CSF2RB: variants seen among roughly 807,000 people sequenced by gnomAD.
The protein encoded by CSF2RB is cytokine receptor common subunit beta.
A neutral mutation model predicts 67.2 loss-of-function variants in CSF2RB; 22 were observed. The observed-to-expected ratio is 0.33, with a 90% CI of 0.23 to 0.47. CSF2RB has a LOEUF of 0.47. Ranked by LOEUF, CSF2RB falls within the 20% of genes least tolerant of loss-of-function variation. The pLI, the probability that CSF2RB is intolerant of heterozygous loss-of-function variation, is 1.00. For missense variants in CSF2RB, 1,113 were observed against 1,174.5 expected, an observed-to-expected ratio of 0.95 and a Z score of 0.76; for synonymous variants, 507 against 482.9, an observed-to-expected ratio of 1.05 and a Z score of -0.65.
intron 8 of CSF2RB, among the ~76,000 whole-genome samples, chr22:36,931,659 A>C (rs1941149000): frequency 6.6e-6 from 1 of 152,252 alleles, no homozygotes; most frequent in South Asian, 2.1e-4. Flanking sequence ...CACAGCTATT[A>C]GTAGGCAGAT....
chr22:36,938,336 G>A lies in CSF2RB; in HGVS notation c.2528G>A (p.Gly843Glu), dbSNP rs996013650. ...CTCCGGAGTAAACCTTCTTCCCCGG[G>A]ACCCGGTCCTGAGATCAAGAACCTA... ...LSLRSKPSSP[G>E]PGPEIKNLDQ... Residue 843 changes from glycine to glutamate, a missense_variant, in exon 14 of 14, where the codon GGA becomes GAA. Transcript: ENST00000403662. The A allele has an allele frequency of 1.2e-6, 2 of 1,614,028 alleles. No homozygotes were observed. The highest frequency in any genetic ancestry group is 2.7e-5 in the African/African-American group (2 of 74,882).
At position 36,938,533 on chromosome 22, in the gene CSF2RB, G is replaced by T; in HGVS notation, c.*31G>T. ...CCAGGCCTAGACAGGCAAGGGGATG[G>T]AGAGGGCTTGCCTTCCCTCCCGCCT... On this transcript the variant is annotated 3_prime_UTR_variant, in exon 14 of 14. Coordinates refer to ENST00000403662, the MANE Select transcript of CSF2RB (RefSeq NM_000395.3). 1 of 1,586,184 alleles carries T rather than the reference G, an allele frequency of 6.3e-7. No individual in the cohort carries two copies. Among genetic ancestry groups the T allele is most frequent in the South Asian group, 1.1e-5 (1 of 88,260 alleles).
At chr22:36,918,248 T>A (rs4821564) in intron 1 of CSF2RB, among the ~76,000 whole-genome samples, 3 of 151,990 alleles carry the variant, frequency 2.0e-5, no homozygotes, top group African/African-American at 4.8e-5. Flanking sequence ...CCTTACATAC[T>A]CAAAATTTTT....
At chr22:36,923,451 C>T (rs965913265) in intron 3 of CSF2RB, 84 bp downstream of exon 3, 2 of 1,553,910 alleles carry the variant, frequency 1.3e-6, no homozygotes, top group Non-Finnish European at 8.8e-7. Context: ...TAGAGAGGGA[C>T]CTGTCAGGTC....
In CSF2RB at chr22:36,933,929, C is replaced by T. The variant is rs1263779773; in HGVS notation, c.1250C>T (p.Ser417Phe). 2.5e-6 allele frequency: 4 copies of T among 1,612,464 alleles called. No individual in the cohort carries two copies. The highest frequency in any genetic ancestry group is 2.7e-5 in the African/African-American group (2 of 74,902). ...TGGGCCAGGGTGAGGGTCAGGACCT[C>T]CCGCACCGGCTACAACGGGATCTGG... Reference protein sequence around the residue: ...RYWARVRVRTSRTGYNGIWSE... With the variant: ...RYWARVRVRTFRTGYNGIWSE... Residue 417 changes from serine to phenylalanine, a missense_variant, in exon 10 of 14, where the codon TCC (serine) becomes TTC (phenylalanine). By Grantham distance (155) the Ser-to-Phe change is radical (BLOSUM62 -2). Transcript: ENST00000403662.
Position 36,938,491 on chromosome 22 carries a change from G to A in CSF2RB, c.2683G>A (p.Glu895Lys). 6.2e-7 allele frequency: 1 copy of A among 1,612,728 alleles called. No individual in the cohort carries two copies. Residue 895 changes from glutamate (E) to lysine (K), a missense_variant, in exon 14 of 14, where the codon GAG (glutamate) becomes AAG (lysine). Physicochemically the swap from Glu to Lys is moderately conservative, Grantham distance 56. Coordinates refer to ENST00000403662, the MANE Select transcript of CSF2RB (RefSeq NM_000395.3). ...LPPWEVNKPG[E>K]VC ...CCCTTGGGAGGTCAACAAGCCTGGG[G>A]AGGTGTGTTGAGACCCCCAGGCCTA...
Position 36,939,138 on chromosome 22 carries a change from G to T in CSF2RB, c.*636G>T, listed in dbSNP as rs577830884. 4 of 702,156 alleles carry T rather than the reference G, an allele frequency of 5.7e-6. No individual in the cohort carries two copies. Among genetic ancestry groups the T allele is most frequent in the African/African-American group, 5.2e-5 (3 of 57,180 alleles). The allele number at this position is 702,156 out of a possible 1,614,324, so 43.5% of individuals were successfully genotyped here. On this transcript the variant is annotated 3_prime_UTR_variant, in exon 14 of 14. Coordinates refer to ENST00000403662, the MANE Select transcript of CSF2RB (RefSeq NM_000395.3). ...TGGGCATGGTATTGGGGGTCGGGGG[G>T]GCGGTGCAAGGGACGCACATGAGAG...
chr22:36,925,050 C>A (rs1433953854), intron 3 of CSF2RB, among the ~76,000 whole-genome samples: 2 of 152,246 alleles, frequency 1.3e-5, no homozygotes, highest in Non-Finnish European at 2.9e-5. Context: ...CGACTCCAAA[C>A]GTCCTCAACC....
intron 1 of CSF2RB, among the ~76,000 whole-genome samples, chr22:36,916,270 T>TCAA (rs1940712673): frequency 6.6e-6 from 1 of 152,234 alleles, no homozygotes; most frequent in Non-Finnish European, 1.5e-5. Context: ...ATAATTTTAC[T>TCAA]ATTTTGGTTT....
intron 4 of CSF2RB, among the ~76,000 whole-genome samples, chr22:36,926,493 GT>G (rs1445377609): frequency 6.6e-6 from 1 of 152,250 alleles, no homozygotes; most frequent in African/African-American, 2.4e-5. Context: ...TGTCCGCTTA[GT>G]TGTTTCATCT....
In CSF2RB at chr22:36,930,653, A is replaced by G. The variant is rs2085458493; in HGVS notation, c.855-20A>G. 1 of 1,611,884 alleles carries G rather than the reference A, an allele frequency of 6.2e-7. No homozygotes were observed. On this transcript the variant is annotated intron_variant, in intron 7 of 13. Coordinates refer to ENST00000403662, the MANE Select transcript of CSF2RB (RefSeq NM_000395.3). Reference sequence around the variant, plus strand: ...GTGTGCCCTCCCTCTCCCTGCCCTCAGCTCTGCTGTGCTCCTCAGGGAGGA... The same window carrying G: ...GTGTGCCCTCCCTCTCCCTGCCCTCGGCTCTGCTGTGCTCCTCAGGGAGGA...
intron 2 of CSF2RB, 72 bp downstream of exon 2, chr22:36,922,355 G>T: frequency 1.4e-6 from 2 of 1,410,274 alleles, no homozygotes; most frequent in Non-Finnish European, 9.8e-7. Flanking sequence ...GGGCCGCAGC[G>T]TATCCTCAGG....
intron 3 of CSF2RB, among the ~76,000 whole-genome samples, chr22:36,924,616 A>G (rs976348303): frequency 5.3e-5 from 8 of 151,176 alleles, no homozygotes; most frequent in African/African-American, 2.0e-4. Flanking sequence ...TCCTGGGCCC[A>G]CTCCCCTAGG....
At position 36,940,164 on chromosome 22, in the gene CSF2RB, T is replaced by C. The variant is rs1049878056; in HGVS notation, c.*1662T>C. On this transcript the variant is annotated 3_prime_UTR_variant, in exon 14 of 14. Coordinates refer to ENST00000403662, the MANE Select transcript of CSF2RB (RefSeq NM_000395.3). The stretch of plus-strand genomic sequence containing the variant: ...TGATTGTTCTACTTTTATGATATGT[T>C]TTCATAAGTGGTTAAGCAAGTATTC... 3.9e-5 allele frequency: 6 copies of C among 152,246 alleles called. No individual in the cohort carries two copies. Among genetic ancestry groups the C allele is most frequent in the African/African-American group, 1.2e-4 (5 of 41,466 alleles). The allele number at this position is 152,246 out of a possible 1,614,324, so 9.4% of individuals were successfully genotyped here.
chr22:36,932,075 C>T (rs1941155966), intron 8 of CSF2RB, among the ~76,000 whole-genome samples: 1 of 152,192 alleles, frequency 6.6e-6, no homozygotes, highest in African/African-American at 2.4e-5. Flanking sequence ...TAATAGTACC[C>T]ACCATATAGG....
rs1940884155 is a variant in CSF2RB, at chr22:36,922,023, TCTC to T, written c.-172-10_-172-8del. On this transcript the variant is annotated splice_polypyrimidine_tract_variant and intron_variant, in intron 1 of 13. Transcript: ENST00000403662. ...GGGGAGGGGCAGCTCACTGCTGACA[TCTC>T]CTTCTGCAGGCCTGGAGGAGGCAGA... The T allele has an allele frequency of 1.1e-5, 7 of 617,870 alleles. No individual in the cohort carries two copies. The highest frequency in any genetic ancestry group is 7.3e-5 in the South Asian group (4 of 54,664). The allele number at this position is 617,870 out of a possible 1,614,324, so 38.3% of individuals were successfully genotyped here.
intron 7 of CSF2RB, 49 bp downstream of exon 7, chr22:36,930,559 C>G: frequency 3.1e-6 from 5 of 1,611,922 alleles, no homozygotes; most frequent in Non-Finnish European, 4.2e-6. Flanking sequence ...GCCTTGCTCT[C>G]TCCAAGCTTC....
chr22:36,932,922 G>A lies in CSF2RB; in HGVS notation c.1152+18G>A, dbSNP rs562735110. On this transcript the variant is annotated intron_variant, in intron 9 of 13. Coordinates refer to ENST00000403662, the MANE Select transcript of CSF2RB (RefSeq NM_000395.3). ...CGTGGAAGGTGAGGGCCTTTGCCCA[G>A]GGAGGGGAGAAACACTGGGGAGGGC... is the stretch of plus-strand genomic sequence containing the variant. The A allele has an allele frequency of 1.9e-6, 3 of 1,613,710 alleles. No homozygotes were observed. The highest frequency in any genetic ancestry group is 1.1e-5 in the South Asian group (1 of 91,068).
rs903198772 is a variant in CSF2RB, at chr22:36,921,065, T to C, written c.-172-971T>C. 3.3e-5 allele frequency among the ~76,000 whole-genome samples: 5 copies of C among 151,270 alleles called. No individual in the cohort carries two copies. The Admixed American group carries it at 3.3e-4, about 10-fold the overall frequency. On this transcript the variant is annotated intron_variant, in intron 1 of 13. Coordinates refer to ENST00000403662, the MANE Select transcript of CSF2RB (RefSeq NM_000395.3). ...TGTGTGTAGGTGGTATATGCGAGTG[T>C]GTATGTGTGTGTGTGTTGTGCATGT...
Sources: gnomAD v4.1 joint callset for allele counts (sites outside exome capture counted in the v4.1 genomes callset) on GRCh38, gnomAD v4.1.1 for gene constraint, MANE v1.5 for transcripts, NCBI Gene and HGNC (gene_info 2026-07-23, HGNC 2026-07-21) for gene names.